Variants in ARPC5L observed in about 807,000 individuals in gnomAD.
ARPC5L encodes the protein actin related protein 2/3 complex subunit 5 like, also known as actin-related protein 2/3 complex subunit 5-like protein.
Under a neutral mutation model 16.9 loss-of-function variants are expected in ARPC5L, and 4 were observed. The observed-to-expected ratio is 0.24, with a 90% CI of 0.12 to 0.54. The LOEUF is 0.54. ARPC5L is among the 20% of genes least tolerant of loss of function. ARPC5L has a pLI of 0.95. For synonymous variants in ARPC5L, 78 were observed against 82.6 expected (o/e 0.94, Z 0.30); for missense variants, 151 against 201.9 (o/e 0.75, Z 1.53).
intron 3 of ARPC5L, among the ~76,000 whole-genome samples, chr9:124,871,061 G>A (rs1829350145): frequency 6.6e-6 from 1 of 152,214 alleles, no homozygotes; most frequent in Non-Finnish European, 1.5e-5. Flanking sequence ...AGGTGGAGGA[G>A]AATGGAACTG....
At chr9:124,873,864 T>A in intron 4 of ARPC5L, 100 bp downstream of exon 4, 1 of 1,459,100 alleles carries the variant, frequency 6.9e-7, no homozygotes, top group Non-Finnish European at 9.5e-7. Context: ...TCAGAGGGAG[T>A]GAGTTGGCAC....
intron 4 of ARPC5L, 146 bp downstream of exon 4, chr9:124,873,910 C>T: frequency 1.1e-6 from 1 of 888,078 alleles, no homozygotes; most frequent in Non-Finnish European, 1.8e-6. Context: ...CTGGCGCTCC[C>T]TAGGTGGTGA....
At chr9:124,866,901 T>C (rs913944913) in intron 2 of ARPC5L, among the ~76,000 whole-genome samples, 6 of 152,146 alleles carry the variant, frequency 3.9e-5, no homozygotes, top group African/African-American at 1.4e-4. Flanking sequence ...TTTCAAACAA[T>C]TCAGACTTCT....
Position 124,874,051 on chromosome 9 carries a change from C to T in ARPC5L, c.222+287C>T, listed in dbSNP as rs79252670. On this transcript the variant is annotated intron_variant, in intron 4 of 5. Transcript: ENST00000353214. ...GGCTGATGAGGAAAATGGATGAATT[C>T]GCTCACCTGTGGTGCTTATGCTCCC... Among the ~76,000 whole-genome samples the T allele has an allele frequency of 6.5e-3, 993 of 152,328 alleles. 13 individuals are homozygous for T. Among genetic ancestry groups the T allele is most frequent in the African/African-American group, 0.022 (928 of 41,572 alleles).
At chr9:124,871,690 C>T (rs1164183002) in intron 3 of ARPC5L, among the ~76,000 whole-genome samples, 4 of 152,190 alleles carry the variant, frequency 2.6e-5, no homozygotes, top group Non-Finnish European at 5.9e-5. Flanking sequence ...CTTTCCCCTT[C>T]AGTGAAGCAG....
chr9:124,864,581 T>C (rs1335847207), intron 2 of ARPC5L, among the ~76,000 whole-genome samples: 2 of 152,206 alleles, frequency 1.3e-5, no homozygotes, highest in African/African-American at 4.8e-5. Context: ...CTGGCCACCA[T>C]GTTGGCCAGG....
chr9:124,875,264 C>A (rs898679978), intron 5 of ARPC5L, 113 bp downstream of exon 5: 2 of 1,230,084 alleles, frequency 1.6e-6, no homozygotes, highest in Non-Finnish European at 1.1e-6. Context: ...CGTGTGGGGT[C>A]AGAGGACGAG....
Position 124,869,198 on chromosome 9 carries a change from G to A in ARPC5L, c.-93G>A. ...AGGTGCTGGGAGCAGCCGGGCAGCC[G>A]CTTCCCGCCCCCGAGCAGGAGCCGG... On this transcript the variant is annotated 5_prime_UTR_variant, in exon 3 of 6. Coordinates refer to ENST00000353214, the MANE Select transcript of ARPC5L (RefSeq NM_030978.3). 30 of 1,315,268 alleles carry A rather than the reference G, an allele frequency of 2.3e-5. No homozygotes were observed. Among genetic ancestry groups the A allele is most frequent in the Non-Finnish European group, 2.8e-5 (29 of 1,020,702 alleles). 81.5% of individuals were successfully genotyped at this position (1,315,268 alleles called of 1,614,324 possible). A position where few individuals can be genotyped will look rare whatever the true frequency, so the allele number is the denominator to read the frequency against.
In ARPC5L at chr9:124,876,901, C is replaced by T. The variant is rs764231464; in HGVS notation, c.423C>T (p.Gly141=). The change falls in exon 6 of 6, where the codon GGC becomes GGT. Residue 141 remains glycine (G), a synonymous_variant. Coordinates refer to ENST00000353214, the MANE Select transcript of ARPC5L (RefSeq NM_030978.3). ...AGGCCTTAGCAGTAGGAGGACTAGG[C>T]TCCATTATAAGAGTTCTTACAGCAA... ...HEKALAVGGL[G]SIIRVLTARK... 1 of 1,613,482 alleles carries T rather than the reference C, an allele frequency of 6.2e-7. No individual in the cohort carries two copies. Among genetic ancestry groups the T allele is most frequent in the South Asian group, 1.1e-5 (1 of 90,940 alleles).
chr9:124,872,376 A>G (rs1250746579), intron 3 of ARPC5L, among the ~76,000 whole-genome samples: 2 of 152,112 alleles, frequency 1.3e-5, no homozygotes, highest in Non-Finnish European at 1.5e-5. Flanking sequence ...CGGACAGATC[A>G]CGAGGTCAGG....
At chr9:124,870,318 C>G (rs1829337207) in intron 3 of ARPC5L, among the ~76,000 whole-genome samples, 1 of 152,208 alleles carries the variant, frequency 6.6e-6, no homozygotes, top group Admixed American at 6.5e-5. Context: ...TTGCTTGGTC[C>G]TTTAGCAGTA....
chr9:124,870,564 C>T (rs1829341912), intron 3 of ARPC5L, among the ~76,000 whole-genome samples: 2 of 152,254 alleles, frequency 1.3e-5, no homozygotes, highest in Admixed American at 6.5e-5. Context: ...AACCTTCAGA[C>T]TTGATTTGAA....
intron 4 of ARPC5L, 35 bp downstream of exon 4, chr9:124,873,799 G>A (rs1213505046): frequency 2.5e-6 from 4 of 1,612,366 alleles, no homozygotes; most frequent in African/African-American, 1.3e-5. Context: ...GCTGGGTGCT[G>A]TTGGGACCAG....
intron 2 of ARPC5L, among the ~76,000 whole-genome samples, chr9:124,866,933 G>T (rs921066209): frequency 3.3e-5 from 5 of 152,106 alleles, no homozygotes; most frequent in African/African-American, 1.2e-4. Context: ...GTTCTGCTCA[G>T]AATTTCCAGG....
chr9:124,877,044 C>G lies in ARPC5L; in HGVS notation c.*104C>G. On this transcript the variant is annotated 3_prime_UTR_variant, in exon 6 of 6. Coordinates refer to ENST00000353214, the MANE Select transcript of ARPC5L (RefSeq NM_030978.3). ...ATCTTCCTAGGAACTCCCAAGTAAA[C>G]TATTTCAGGACATGTATCTGCTGAA... The G allele has an allele frequency of 3.5e-6, 3 of 852,348 alleles. No individual in the cohort carries two copies. Among genetic ancestry groups the G allele is most frequent in the South Asian group, 3.3e-5 (2 of 60,290 alleles). The allele number at this position is 852,348 out of a possible 1,614,324, so 52.8% of individuals were successfully genotyped here. A position where few individuals can be genotyped will look rare whatever the true frequency, so the allele number is the denominator to read the frequency against.
Position 124,875,012 on chromosome 9 carries a change from A to T in ARPC5L, c.260A>T (p.Asn87Ile). 2 of 1,614,014 alleles carry T rather than the reference A, an allele frequency of 1.2e-6. No homozygotes were observed. Among genetic ancestry groups the T allele is most frequent in the Non-Finnish European group, 1.7e-6 (2 of 1,179,900 alleles). ...AQGVVLKVLT[N>I]FKSSEIEQAV... is the part of the protein sequence containing the mutation. ...GGCGTGGTGCTGAAAGTGCTCACAA[A>T]CTTCAAGAGCAGTGAGATTGAGCAG... The change falls in exon 5 of 6, where the codon AAC becomes ATC. Residue 87 changes from asparagine to isoleucine, a missense_variant. Coordinates refer to ENST00000353214, the MANE Select transcript of ARPC5L (RefSeq NM_030978.3).
At position 124,863,983 on chromosome 9, in the gene ARPC5L, C is replaced by G. The variant is rs1047589185; in HGVS notation, c.-983-5C>G. On this transcript the variant is annotated splice_polypyrimidine_tract_variant and splice_region_variant and intron_variant, in intron 1 of 5. Transcript: ENST00000353214. ...AATGATGCATTTATGTGTCTATTTC[C>G]ACAGCCAACCTAGAAGTTCTCTGGG... 6.6e-6 allele frequency: 1 copy of G among 152,210 alleles called. No homozygotes were observed. Among genetic ancestry groups the G allele is most frequent in the African/African-American group, 2.4e-5 (1 of 41,446 alleles). The allele number at this position is 152,210 out of a possible 1,614,324, so 9.4% of individuals were successfully genotyped here. A position where few individuals can be genotyped will look rare whatever the true frequency, so the allele number is the denominator to read the frequency against.
chr9:124,871,556 C>T (rs1188984007), intron 3 of ARPC5L, among the ~76,000 whole-genome samples: 1 of 152,156 alleles, frequency 6.6e-6, no homozygotes, highest in African/African-American at 2.4e-5. Flanking sequence ...TTCTCTGAGC[C>T]TCAATTCCAT....
rs183248195 is a variant in ARPC5L, at chr9:124,862,144, T to G, written c.-1238T>G. The G allele has an allele frequency of 6.1e-6, 3 of 489,158 alleles. No homozygotes were observed. The highest frequency in any genetic ancestry group is 1.1e-5 in the Non-Finnish European group (3 of 284,694). 30.3% of individuals were successfully genotyped at this position (489,158 alleles called of 1,614,324 possible). On this transcript the variant is annotated 5_prime_UTR_variant, in exon 1 of 6. Transcript: ENST00000353214. ...GTGCTCGCCTCATTCACGGCACCCC[T>G]GATAGCGAGGTCGGCGTCACGGTGT...
Sources: gnomAD v4.1 joint callset for allele counts (sites outside exome capture counted in the v4.1 genomes callset) on GRCh38, gnomAD v4.1.1 for gene constraint, MANE v1.5 for transcripts, NCBI Gene and HGNC (gene_info 2026-07-23, HGNC 2026-07-21) for gene names.